Variants in DCC observed in about 807,000 individuals in gnomAD.
DCC encodes netrin receptor DCC.
A neutral mutation model predicts 172.5 loss-of-function variants in DCC; 58 were observed. The observed-to-expected ratio is 0.34, with a 90% confidence interval of 0.27 to 0.42. The LOEUF is 0.42. Among genes scored for constraint, DCC ranks in the 10% least tolerant of loss-of-function variants. The probability of loss-of-function intolerance (pLI) is 1.00; values close to 1 mark genes in which losing one functional copy is unlikely to be tolerated. For synonymous variants in DCC, 709 were observed against 644.5 expected (o/e 1.10, Z -1.52); for missense variants, 1,740 against 1,791.0 (o/e 0.97, Z 0.51).
intron 25 of DCC, among the ~76,000 whole-genome samples, chr18:53,470,538 C>T (rs922649936): frequency 6.6e-6 from 1 of 152,118 alleles, no homozygotes; most frequent in African/African-American, 2.4e-5. Context: ...CTTTGTGGTA[C>T]CAATTTACTG....
intron 15 of DCC, among the ~76,000 whole-genome samples, chr18:53,346,996 T>C (rs1160430103): frequency 6.6e-6 from 1 of 152,184 alleles, no homozygotes; most frequent in Non-Finnish European, 1.5e-5. Flanking sequence ...ATTAAAATCT[T>C]GGTTAAGTTT....
At chr18:53,522,910 C>T (rs1568185895) in intron 27 of DCC, among the ~76,000 whole-genome samples, 1 of 152,100 alleles carries the variant, frequency 6.6e-6, no homozygotes, top group African/African-American at 2.4e-5. Flanking sequence ...CCAAAATTGA[C>T]AAATGGGATC....
At chr18:53,031,742 A>G (rs943451224) in intron 5 of DCC, among the ~76,000 whole-genome samples, 1 of 152,130 alleles carries the variant, frequency 6.6e-6, no homozygotes, top group African/African-American at 2.4e-5. Context: ...TCAGTTGGCT[A>G]AAGTATTTCA....
At chr18:53,262,352 G>T (rs949366154) in intron 12 of DCC, among the ~76,000 whole-genome samples, 2 of 152,252 alleles carry the variant, frequency 1.3e-5, no homozygotes, top group Admixed American at 1.3e-4. Context: ...TCCATTCTGT[G>T]GTGGTCTAAC....
chr18:53,202,665 G>A (rs1283275533), intron 9 of DCC, among the ~76,000 whole-genome samples: 1 of 152,084 alleles, frequency 6.6e-6, no homozygotes, highest in Non-Finnish European at 1.5e-5. Flanking sequence ...TAGAGTAGAG[G>A]GCTGGGAAGG....
chr18:53,036,778 G>T (rs112140289), intron 5 of DCC, among the ~76,000 whole-genome samples: 3 of 152,006 alleles, frequency 2.0e-5, no homozygotes, highest in Admixed American at 2.0e-4. Flanking sequence ...GGAAAAGGAA[G>T]TGTTCAGAGT....
At chr18:52,448,954 A>G (rs951989551) in intron 1 of DCC, among the ~76,000 whole-genome samples, 5 of 152,244 alleles carry the variant, frequency 3.3e-5, no homozygotes, top group African/African-American at 1.2e-4. Flanking sequence ...TTATTAGTTC[A>G]TTCTCATGCT....
At chr18:53,341,049 T>A (rs184648880) in intron 15 of DCC, among the ~76,000 whole-genome samples, 2 of 152,358 alleles carry the variant, frequency 1.3e-5, no homozygotes, top group South Asian at 2.1e-4. Context: ...TTTATTTAGC[T>A]TGGCGTTTAG....
intron 13 of DCC, among the ~76,000 whole-genome samples, chr18:53,319,497 C>G (rs772727711): frequency 7.2e-5 from 11 of 152,022 alleles, no homozygotes; most frequent in Non-Finnish European, 1.2e-4. Flanking sequence ...GACTTTAAAG[C>G]CACAAAGATC....
chr18:52,888,937 AC>A (rs1285714124), intron 2 of DCC, among the ~76,000 whole-genome samples: 1 of 152,116 alleles, frequency 6.6e-6, no homozygotes, highest in African/African-American at 2.4e-5. Flanking sequence ...ATATATACAT[AC>A]AAGCACATGT....
chr18:52,850,558 C>A (rs2038958999), intron 2 of DCC, among the ~76,000 whole-genome samples: 1 of 152,066 alleles, frequency 6.6e-6, no homozygotes, highest in African/African-American at 2.4e-5. Context: ...CGTATGACTA[C>A]AATGTGTAAT....
In DCC at chr18:53,090,698, CAAAAAAAAAAAAA is replaced by C. The variant is rs59898050; in HGVS notation, c.1261+24556_1261+24568del. On this transcript the variant is annotated intron_variant, in intron 7 of 28. Coordinates refer to ENST00000442544, the MANE Select transcript of DCC (RefSeq NM_005215.4). ...GACAGAGCGAAACTCCGTCCCCCAA[CAAAAAAAAAAAAA>C]AAAAAAAAAAAAAAAAAAAAAAAGA... Among the ~76,000 whole-genome samples, 195 of 39,354 alleles carry C rather than the reference CAAAAAAAAAAAAA, an allele frequency of 5.0e-3. 2 individuals carry two copies. Among genetic ancestry groups the C allele is most frequent in the East Asian group, 0.015 (38 of 2,568 alleles). 25.8% of individuals were successfully genotyped at this position (39,354 alleles called of 152,430 possible).
At chr18:52,930,247 G>A (rs1387870328) in intron 5 of DCC, among the ~76,000 whole-genome samples, 1 of 152,000 alleles carries the variant, frequency 6.6e-6, no homozygotes, top group Non-Finnish European at 1.5e-5. Context: ...TTACAGGCAT[G>A]AGCCATCGCA....
In DCC at chr18:53,191,802, AT is replaced by A. The variant is rs544411219; in HGVS notation, c.1573+12696del. ...AACAGCTCTTGAGCATGAGTCAGTC[AT>A]TTTTTTTTTCCTGTTGATCTGGCAC... On this transcript the variant is annotated intron_variant, in intron 9 of 28. Transcript: ENST00000442544. Among the ~76,000 whole-genome samples, 868 of 150,528 alleles carry A rather than the reference AT, an allele frequency of 5.8e-3. 6 individuals are homozygous for A. The highest frequency in any genetic ancestry group is 0.024 in the Admixed American group (354 of 15,050).
intron 2 of DCC, among the ~76,000 whole-genome samples, chr18:52,831,026 C>T (rs1367783146): frequency 6.6e-6 from 1 of 152,058 alleles, no homozygotes; most frequent in East Asian, 1.9e-4. Context: ...ATTAGTAGGA[C>T]ATTCTGATCA....
chr18:53,416,087 T>C (rs753937297), intron 20 of DCC, 37 bp from the exon 21 acceptor site: 20 of 1,556,530 alleles, frequency 1.3e-5, no homozygotes, highest in Non-Finnish European at 1.8e-5. Flanking sequence ...CTAGGAACTG[T>C]CAAAGTCTAA....
At chr18:52,880,260 T>C (rs12957223) in intron 2 of DCC, among the ~76,000 whole-genome samples, 63,131 of 151,892 alleles carry the variant, frequency 0.42, 13,812 homozygotes, top group Non-Finnish European at 0.5. Flanking sequence ...TCTCAGCCTC[T>C]GGAGTAACTG....
At position 53,354,585 on chromosome 18, in the gene DCC, C is replaced by T. The variant is rs1268059971; in HGVS notation, c.2359+14678C>T. Among the ~76,000 whole-genome samples, 4 of 152,058 alleles carry T rather than the reference C, an allele frequency of 2.6e-5. No individual in the cohort carries two copies. In the South Asian group the frequency reaches 6.2e-4, roughly 24 times the overall value. ...TCTTTTGAGAAGTGTCTGTTCATAT[C>T]CTTCGCCCACTTTTTGATGGGCTTC... On this transcript the variant is annotated intron_variant, in intron 15 of 28. Coordinates refer to ENST00000442544, the MANE Select transcript of DCC (RefSeq NM_005215.4).
chr18:53,038,587 T>C (rs2042126188), intron 5 of DCC, among the ~76,000 whole-genome samples: 1 of 152,010 alleles, frequency 6.6e-6, no homozygotes, highest in African/African-American at 2.4e-5. Flanking sequence ...CTCCTTTAGA[T>C]AGCTATTAGT....
Sources: allele counts gnomAD v4.1 joint callset (sites outside exome capture counted in the v4.1 genomes callset), GRCh38; gene constraint gnomAD v4.1.1; transcripts MANE v1.5; gene names NCBI Gene and HGNC (gene_info 2026-07-23, HGNC 2026-07-21).